The following UGGT2 variants were observed in gnomAD, a reference collection of about 807,000 sequenced individuals.
UGGT2 encodes the protein UDP-glucose glycoprotein glucosyltransferase 2.
UGGT2 carries 180 observed loss-of-function variants against 192.1 expected under a neutral mutation model. The observed-to-expected ratio is 0.94, with a 90% CI of 0.83 to 1.06. The LOEUF (loss-of-function observed/expected upper bound fraction) is 1.06. Among genes scored for constraint, UGGT2 ranks in the 50% least tolerant of loss-of-function variants. UGGT2 has a pLI of 0.00. For missense variants in UGGT2, 1,849 were observed against 1,795.7 expected (o/e 1.03, Z -0.54); for synonymous variants, 580 against 591.0 (o/e 0.98, Z 0.27).
intron 17 of UGGT2, among the ~76,000 whole-genome samples, chr13:95,935,228 T>C (rs1277023348): frequency 2.0e-5 from 3 of 152,196 alleles, no homozygotes; most frequent in Non-Finnish European, 4.4e-5. Context: ...GTTTTGATCC[T>C]ATGTGAAGTT....
At chr13:95,904,524 C>G (rs2048217933) in intron 20 of UGGT2, among the ~76,000 whole-genome samples, 1 of 147,522 alleles carries the variant, frequency 6.8e-6, no homozygotes, top group South Asian at 2.2e-4. Flanking sequence ...CAATTCCCAC[C>G]TATGAGTGAG....
intron 36 of UGGT2, among the ~76,000 whole-genome samples, chr13:95,847,968 G>C (rs1459273249): frequency 6.6e-6 from 1 of 152,160 alleles, no homozygotes; most frequent in East Asian, 1.9e-4. Context: ...CTAGCCTTTG[G>C]TGTTGTCAGT....
chr13:95,844,172 G>A (rs1888151197), intron 36 of UGGT2, among the ~76,000 whole-genome samples: 1 of 152,102 alleles, frequency 6.6e-6, no homozygotes, highest in South Asian at 2.1e-4. Context: ...ATGTTGGCCA[G>A]GCTGGTCTTC....
chr13:96,027,212 G>C (rs888539751), intron 2 of UGGT2, among the ~76,000 whole-genome samples: 2 of 152,112 alleles, frequency 1.3e-5, no homozygotes, highest in Admixed American at 1.3e-4. Context: ...CAAAGGACTG[G>C]TCACCCAGGG....
intron 38 of UGGT2, among the ~76,000 whole-genome samples, chr13:95,826,281 G>A (rs1350361255): frequency 2.6e-5 from 4 of 151,872 alleles, no homozygotes. Flanking sequence ...CATAGAAGTT[G>A]GTCAACCACA....
At chr13:95,850,765 A>G (rs1349632810) in intron 36 of UGGT2, among the ~76,000 whole-genome samples, 1 of 152,204 alleles carries the variant, frequency 6.6e-6, no homozygotes, top group Non-Finnish European at 1.5e-5. Context: ...ATTCTTCTGG[A>G]CTGACCTATA....
At chr13:95,990,434 T>A (rs2051420825) in intron 7 of UGGT2, 1 of 152,888 alleles carries the variant, frequency 6.5e-6, no homozygotes, top group African/African-American at 2.4e-5. Context: ...AAATAAAAAC[T>A]ATAAGGAAAG....
intron 22 of UGGT2, among the ~76,000 whole-genome samples, chr13:95,898,112 A>G (rs2047999008): frequency 6.6e-6 from 1 of 152,260 alleles, no homozygotes; most frequent in Admixed American, 6.5e-5. Context: ...TACCACCACT[A>G]GAACCATTCT....
At chr13:95,986,641 T>C (rs2051298674) in intron 8 of UGGT2, among the ~76,000 whole-genome samples, 1 of 152,118 alleles carries the variant, frequency 6.6e-6, no homozygotes, top group Non-Finnish European at 1.5e-5. Context: ...TGAATGACTA[T>C]TTAATACCTC....
At chr13:95,983,923 A>G in intron 9 of UGGT2, 59 bp from the exon 10 acceptor site, 1 of 1,142,544 alleles carries the variant, frequency 8.8e-7, no homozygotes, top group Non-Finnish European at 1.2e-6. Context: ...ACTGATCTAT[A>G]TAACCCAATG....
chr13:95,978,775 AT>A (rs1414879644), intron 10 of UGGT2, among the ~76,000 whole-genome samples: 1 of 152,230 alleles, frequency 6.6e-6, no homozygotes, highest in Non-Finnish European at 1.5e-5. Context: ...ATAAATCTTA[AT>A]AGAAATGTTG....
In UGGT2 at chr13:95,853,469, T is replaced by C. The variant is rs535294275; in HGVS notation, c.4284+74A>G. 11 of 1,219,308 alleles carry C rather than the reference T, an allele frequency of 9.0e-6. No homozygotes were observed. The East Asian group carries it at 2.8e-4, about 31-fold the overall frequency. The allele number at this position is 1,219,308 out of a possible 1,614,324, so 75.5% of individuals were successfully genotyped here. On this transcript the variant is annotated intron_variant, in intron 36 of 38. Transcript: ENST00000376747. ...AGAAAAAACTCAAAATATAAGACTT[T>C]AAAGTTTATGAGCACGGAGTTGGAA... is the stretch of plus-strand genomic sequence containing the variant.
intron 5 of UGGT2, among the ~76,000 whole-genome samples, chr13:96,000,536 A>T (rs2051766152): frequency 6.6e-6 from 1 of 152,230 alleles, no homozygotes; most frequent in Admixed American, 6.5e-5. Context: ...TCTGACAAAG[A>T]TGAAAATTTT....
At chr13:95,912,837 ATAC>A (rs2048547943) in intron 20 of UGGT2, among the ~76,000 whole-genome samples, 1 of 152,322 alleles carries the variant, frequency 6.6e-6, no homozygotes, top group East Asian at 1.9e-4. Context: ...ACTTCAAACT[ATAC>A]TACAAGGCTA....
chr13:96,011,202 A>G (rs2052151701), intron 5 of UGGT2, among the ~76,000 whole-genome samples: 1 of 152,162 alleles, frequency 6.6e-6, no homozygotes, highest in African/African-American at 2.4e-5. Context: ...TAGATATAAT[A>G]CAAAAAATAT....
chr13:95,860,735 T>C (rs76490575), intron 32 of UGGT2, 53 bp downstream of exon 32: 33,352 of 1,201,558 alleles, frequency 0.028, 556 homozygotes, highest in Non-Finnish European at 0.03. Context: ...TTTTGAAATT[T>C]GAACCATGTA....
chr13:95,907,905 G>A (rs958512737), intron 20 of UGGT2, among the ~76,000 whole-genome samples: 1 of 152,190 alleles, frequency 6.6e-6, no homozygotes, highest in African/African-American at 2.4e-5. Flanking sequence ...ACTTTGATGA[G>A]TTGACAGAAG....
At chr13:95,892,543 GTTAATCAACTC>G (rs1723029269) in intron 24 of UGGT2, among the ~76,000 whole-genome samples, 1 of 152,144 alleles carries the variant, frequency 6.6e-6, no homozygotes, top group African/African-American at 2.4e-5. Flanking sequence ...GGTATACACA[GTTAATCAACTC>G]TTACAGATAT....
At chr13:95,933,741 G>C (rs1454915041) in intron 17 of UGGT2, among the ~76,000 whole-genome samples, 1 of 152,102 alleles carries the variant, frequency 6.6e-6, no homozygotes, top group African/African-American at 2.4e-5. Context: ...GAGTGCAGTG[G>C]CTGTATCTCG....
Sources: gnomAD v4.1 joint callset for allele counts (sites outside exome capture counted in the v4.1 genomes callset) on GRCh38, gnomAD v4.1.1 for gene constraint, MANE v1.5 for transcripts, NCBI Gene and HGNC (gene_info 2026-07-23, HGNC 2026-07-21) for gene names.